REDIC1: variants seen among roughly 807,000 people sequenced by gnomAD.
REDIC1 encodes HEI10 Interacting Protein 1.
chr12:39,765,781 A>G, the REDIC1 span, among the ~76,000 whole-genome samples: 1 of 152,080 alleles, frequency 6.6e-6, no homozygotes, highest in African/African-American at 2.4e-5. Context: ...GGTTTGTTAC[A>G]TAGGTAAATG....
the REDIC1 span, among the ~76,000 whole-genome samples, chr12:39,695,837 A>G: frequency 1.3e-5 from 2 of 152,112 alleles, no homozygotes; most frequent in Admixed American, 6.5e-5. Flanking sequence ...ACCAAGCACA[A>G]TCCTGATGGT....
chr12:39,713,984 TATAC>T, the REDIC1 span, among the ~76,000 whole-genome samples: 1 of 148,410 alleles, frequency 6.7e-6, no homozygotes, highest in Non-Finnish European at 1.5e-5. Flanking sequence ...TATACGTATA[TATAC>T]ATGTATGTAC....
chr12:39,874,556 A>G, the REDIC1 span, among the ~76,000 whole-genome samples: 2 of 150,550 alleles, frequency 1.3e-5, no homozygotes, highest in Non-Finnish European at 3.0e-5. Flanking sequence ...CGAAGATTGC[A>G]GTGAGCCAAG....
the REDIC1 span, among the ~76,000 whole-genome samples, chr12:39,730,722 C>G: frequency 6.6e-6 from 1 of 152,126 alleles, no homozygotes; most frequent in East Asian, 1.9e-4. Flanking sequence ...GGGGAGTTCT[C>G]CTGGATAATA....
chr12:39,690,405 G>C, the REDIC1 span, among the ~76,000 whole-genome samples: 3 of 152,098 alleles, frequency 2.0e-5, no homozygotes, highest in African/African-American at 7.3e-5. Flanking sequence ...CACCAGAGAA[G>C]TGGAGACGTG....
At chr12:39,884,507 A>G in the REDIC1 span, among the ~76,000 whole-genome samples, 1 of 152,232 alleles carries the variant, frequency 6.6e-6, no homozygotes, top group Non-Finnish European at 1.5e-5. Flanking sequence ...TTCATAGAAA[A>G]TAAGTACATC....
chr12:39,714,234 TGTATATATGTATATAC>T, the REDIC1 span, among the ~76,000 whole-genome samples: 3 of 86,610 alleles, frequency 3.5e-5, no homozygotes, highest in Non-Finnish European at 5.1e-5. Flanking sequence ...CATGCATATA[TGTATATATGTATATAC>T]GTATATGCAT....
chr12:39,876,098 C>T, the REDIC1 span, among the ~76,000 whole-genome samples: 1 of 152,126 alleles, frequency 6.6e-6, no homozygotes. Context: ...ATTCCCTGGG[C>T]CAACTTTGGT....
At chr12:39,870,934 C>A in the REDIC1 span, among the ~76,000 whole-genome samples, 1 of 152,014 alleles carries the variant, frequency 6.6e-6, no homozygotes, top group Non-Finnish European at 1.5e-5. Context: ...TCAATGTTTT[C>A]GATACAATTT....
the REDIC1 span, among the ~76,000 whole-genome samples, chr12:39,649,394 A>G: frequency 6.6e-6 from 1 of 151,806 alleles, no homozygotes; most frequent in African/African-American, 2.4e-5. Flanking sequence ...GTTAAGTAGT[A>G]TTGTCGAATA....
chr12:39,868,608 G>A, the REDIC1 span, among the ~76,000 whole-genome samples: 1 of 152,154 alleles, frequency 6.6e-6, no homozygotes, highest in East Asian at 1.9e-4. Context: ...CCGTCTGTGA[G>A]TGAAGTTTTC....
At chr12:39,757,484 T>G in the REDIC1 span, 1 of 151,648 alleles carries the variant, frequency 6.6e-6, no homozygotes, top group African/African-American at 2.4e-5. Context: ...ATACTATAAA[T>G]GTTCACCAAA....
At chr12:39,898,305 C>A in the REDIC1 span, among the ~76,000 whole-genome samples, 7 of 152,124 alleles carry the variant, frequency 4.6e-5, no homozygotes, top group Admixed American at 3.9e-4. Context: ...AAGCCTTATA[C>A]ACCCACATGC....
At chr12:39,859,214 A>G in the REDIC1 span, among the ~76,000 whole-genome samples, 1 of 151,808 alleles carries the variant, frequency 6.6e-6, no homozygotes, top group Admixed American at 6.6e-5. Flanking sequence ...CAGAAAAAGA[A>G]CCACATTGAT....
At chr12:39,743,487 A>G in the REDIC1 span, among the ~76,000 whole-genome samples, 4 of 152,346 alleles carry the variant, frequency 2.6e-5, no homozygotes, top group Admixed American at 6.5e-5. Context: ...AAGGCAAAAA[A>G]CACAATTTGA....
At chr12:39,702,758 T>C in the REDIC1 span, among the ~76,000 whole-genome samples, 2 of 152,236 alleles carry the variant, frequency 1.3e-5, no homozygotes, top group Admixed American at 1.3e-4. Context: ...ACTTCATCCC[T>C]GGGATGCAAG....
At chr12:39,812,213 G>A in the REDIC1 span, among the ~76,000 whole-genome samples, 1 of 152,100 alleles carries the variant, frequency 6.6e-6, no homozygotes, top group African/African-American at 2.4e-5. Flanking sequence ...TAGAATGGAA[G>A]AGGGAATCTA....
chr12:39,714,548 A>G, the REDIC1 span, among the ~76,000 whole-genome samples: 2 of 151,480 alleles, frequency 1.3e-5, no homozygotes, highest in Admixed American at 6.6e-5. Flanking sequence ...AATTTTTTGA[A>G]TATTGATTTC....
the REDIC1 span, chr12:39,829,385 A>T: frequency 1.8e-5 from 2 of 113,416 alleles, no homozygotes; most frequent in Non-Finnish European, 3.5e-5. Flanking sequence ...GTAATGTGAT[A>T]GTAATTCTTT....
Sources: gnomAD v4.1 joint callset for allele counts (sites outside exome capture counted in the v4.1 genomes callset) on GRCh38, gnomAD v4.1.1 for gene constraint, MANE v1.5 for transcripts, NCBI Gene and HGNC (gene_info 2026-07-23, HGNC 2026-07-21) for gene names.